MYO9A: variants seen among roughly 807,000 people sequenced by gnomAD.
MYO9A encodes myosin IXA.
Under a neutral mutation model 293.3 loss-of-function variants are expected in MYO9A, and 103 were observed. That is an observed-to-expected ratio of 0.35 (90% confidence interval 0.30 to 0.41). MYO9A has a LOEUF of 0.41. Ranked by LOEUF, MYO9A falls within the 10% of genes least tolerant of loss-of-function variation. The pLI, the probability that MYO9A is intolerant of heterozygous loss-of-function variation, is 1.00. For synonymous variants in MYO9A, 1,001 were observed against 1,035.7 expected, an observed-to-expected ratio of 0.97 and a Z score of 0.64; for missense variants, 2,685 against 3,033.0, an observed-to-expected ratio of 0.89 and a Z score of 2.69.
At chr15:71,990,429 C>T (rs1383114160) in intron 11 of MYO9A, among the ~76,000 whole-genome samples, 1 of 151,946 alleles carries the variant, frequency 6.6e-6, no homozygotes, top group Admixed American at 6.6e-5. Flanking sequence ...CATCTGCTTA[C>T]AATGATATGT....
chr15:71,832,283 A>G (rs1331244618), intron 39 of MYO9A, among the ~76,000 whole-genome samples: 1 of 152,178 alleles, frequency 6.6e-6, no homozygotes, highest in Non-Finnish European at 1.5e-5. Flanking sequence ...GAGATCCTAT[A>G]GAATAAATAT....
chr15:71,873,332 CTATT>C (rs1295156908), intron 32 of MYO9A, among the ~76,000 whole-genome samples: 1 of 152,150 alleles, frequency 6.6e-6, no homozygotes, highest in African/African-American at 2.4e-5. Context: ...ATTTCCCAAT[CTATT>C]TAGGTTGTTT....
chr15:72,030,471 T>C (rs1440277401), intron 3 of MYO9A, among the ~76,000 whole-genome samples: 1 of 152,118 alleles, frequency 6.6e-6, no homozygotes, highest in Non-Finnish European at 1.5e-5. Flanking sequence ...CACATATATA[T>C]CCCATTCTAC....
In MYO9A at chr15:71,859,734, C is replaced by G; in HGVS notation, c.6153+1G>C. 6.2e-7 allele frequency: 1 copy of G among 1,610,832 alleles called. No individual in the cohort carries two copies. Among genetic ancestry groups the G allele is most frequent in the Non-Finnish European group, 8.5e-7 (1 of 1,177,578 alleles). Reference sequence around the variant, plus strand: ...ATTACTGATAGGTGATAATTTCTTACCTTTTTAGAGCACTTGGCTGTGGTT... The same window carrying G: ...ATTACTGATAGGTGATAATTTCTTAGCTTTTTAGAGCACTTGGCTGTGGTT... On this transcript the variant is annotated splice_donor_variant, in intron 34 of 41. Coordinates refer to ENST00000356056, the MANE Select transcript of MYO9A (RefSeq NM_006901.4). LOFTEE classifies it high-confidence loss of function.
chr15:71,896,007 T>C (rs2057316558), intron 25 of MYO9A, among the ~76,000 whole-genome samples: 1 of 152,202 alleles, frequency 6.6e-6, no homozygotes, highest in Non-Finnish European at 1.5e-5. Context: ...AAACTTAGAA[T>C]GACAGGGAAT....
At chr15:71,981,879 AAAATC>A (rs1382068768) in intron 11 of MYO9A, among the ~76,000 whole-genome samples, 1 of 152,056 alleles carries the variant, frequency 6.6e-6, no homozygotes, top group Non-Finnish European at 1.5e-5. Context: ...ATTTTAAACA[AAAATC>A]TTCTAAGAGC....
intron 15 of MYO9A, among the ~76,000 whole-genome samples, chr15:71,950,968 C>A (rs536271092): frequency 6.6e-6 from 1 of 152,178 alleles, no homozygotes; most frequent in South Asian, 2.1e-4. Flanking sequence ...AGTAATCTTA[C>A]AACTGGCAAA....
intron 31 of MYO9A, among the ~76,000 whole-genome samples, chr15:71,877,799 A>T (rs1160398246): frequency 1.3e-5 from 2 of 152,196 alleles, no homozygotes; most frequent in Non-Finnish European, 2.9e-5. Flanking sequence ...AGGGCAGAAC[A>T]TTATGTTTTA....
chr15:72,058,132 A>G (rs1324681751), intron 1 of MYO9A, among the ~76,000 whole-genome samples: 2 of 152,216 alleles, frequency 1.3e-5, no homozygotes, highest in Non-Finnish European at 2.9e-5. Context: ...ATAAGGCAGT[A>G]CCCCCTGACA....
intron 1 of MYO9A, among the ~76,000 whole-genome samples, chr15:72,099,051 T>C (rs1304958538): frequency 3.9e-5 from 6 of 151,918 alleles, no homozygotes; most frequent in Non-Finnish European, 7.4e-5. Context: ...ATTCCAATAC[T>C]GGGAAGCGGA....
chr15:71,951,002 A>T (rs186824764), intron 15 of MYO9A, among the ~76,000 whole-genome samples: 75 of 152,336 alleles, frequency 4.9e-4, no homozygotes, highest in Middle Eastern at 6.8e-3. Flanking sequence ...ATGCAGAATG[A>T]GTACAACAAA....
At chr15:72,091,890 A>AT (rs1350324980) in intron 1 of MYO9A, among the ~76,000 whole-genome samples, 3 of 151,458 alleles carry the variant, frequency 2.0e-5, no homozygotes, top group African/African-American at 7.3e-5. Context: ...AATTTTTTGT[A>AT]TTTTTTTAGT....
In MYO9A at chr15:71,988,656, T is replaced by C. The variant is rs1317034845; in HGVS notation, c.1722+2447A>G. Among the ~76,000 whole-genome samples, 4 of 152,180 alleles carry C rather than the reference T, an allele frequency of 2.6e-5. No individual in the cohort carries two copies. The East Asian group carries it at 5.8e-4, about 22-fold the overall frequency. ...TCCAATGATAGGAGACTTGATGATA[T>C]AAAGATCTTTTCTCCCTCTTTTCTG... On this transcript the variant is annotated intron_variant, in intron 11 of 41. Coordinates refer to ENST00000356056, the MANE Select transcript of MYO9A (RefSeq NM_006901.4).
chr15:71,915,982 T>C (rs1360819619), intron 19 of MYO9A, among the ~76,000 whole-genome samples: 1 of 152,122 alleles, frequency 6.6e-6, no homozygotes, highest in Non-Finnish European at 1.5e-5. Flanking sequence ...GAAAAAAACC[T>C]TCAGCCTCAT....
At chr15:71,881,065 AT>A (rs975088162) in intron 28 of MYO9A, among the ~76,000 whole-genome samples, 8 of 152,014 alleles carry the variant, frequency 5.3e-5, no homozygotes, top group African/African-American at 1.7e-4. Context: ...CTGTGATAAC[AT>A]TTGGTGATTG....
At chr15:71,919,932 T>C (rs2058112493) in intron 18 of MYO9A, among the ~76,000 whole-genome samples, 1 of 148,290 alleles carries the variant, frequency 6.7e-6, no homozygotes, top group Admixed American at 6.7e-5. Context: ...CCCATATACC[T>C]AACAATAACC....
At chr15:72,060,720 A>G (rs988884024) in intron 1 of MYO9A, among the ~76,000 whole-genome samples, 3 of 152,214 alleles carry the variant, frequency 2.0e-5, no homozygotes, top group Non-Finnish European at 4.4e-5. Flanking sequence ...ATGGCAAGCT[A>G]AAGTACTCTG....
chr15:71,880,967 T>C (rs776628667), intron 28 of MYO9A, among the ~76,000 whole-genome samples: 4 of 152,154 alleles, frequency 2.6e-5, no homozygotes, highest in Non-Finnish European at 5.9e-5. Context: ...TTTGAAACAA[T>C]ATGTGTAGCT....
At chr15:71,974,992 T>C (rs543327733) in intron 12 of MYO9A, among the ~76,000 whole-genome samples, 1 of 152,288 alleles carries the variant, frequency 6.6e-6, no homozygotes, top group East Asian at 1.9e-4. Flanking sequence ...CATTAACACA[T>C]TTAAAGAAGC....
Sources: gnomAD v4.1 joint callset for allele counts (sites outside exome capture counted in the v4.1 genomes callset) on GRCh38, gnomAD v4.1.1 for gene constraint, MANE v1.5 for transcripts, NCBI Gene and HGNC (gene_info 2026-07-23, HGNC 2026-07-21) for gene names.